The following ZNF407 variants were observed in gnomAD, a reference collection of about 807,000 sequenced individuals.
ZNF407 encodes the protein zinc finger protein 407.
In ZNF407, 17 loss-of-function variants were observed where a neutral mutation model predicts 131.2. That is an observed-to-expected ratio of 0.13 (90% confidence interval 0.09 to 0.19). The LOEUF is 0.19. ZNF407 is among the 10% of genes least tolerant of loss of function. The pLI, the probability that ZNF407 is intolerant of heterozygous loss-of-function variation, is 1.00. For missense variants in ZNF407, 2,681 were observed against 2,830.6 expected (o/e 0.95, Z 1.20); for synonymous variants, 1,156 against 1,062.0 (o/e 1.09, Z -1.72).
At chr18:74,778,525 T>C (rs1382040973) in intron 3 of ZNF407, among the ~76,000 whole-genome samples, 1 of 152,160 alleles carries the variant, frequency 6.6e-6, no homozygotes, top group Non-Finnish European at 1.5e-5. Flanking sequence ...TCTCACTAGG[T>C]TGTACATTTT....
At chr18:74,615,272 C>G (rs892387534) in intron 1 of ZNF407, among the ~76,000 whole-genome samples, 1 of 152,122 alleles carries the variant, frequency 6.6e-6, no homozygotes, top group Non-Finnish European at 1.5e-5. Context: ...TTTGGGAGGC[C>G]GAGGTGGGCA....
chr18:74,822,113 T>C (rs1970349067), intron 4 of ZNF407, among the ~76,000 whole-genome samples: 1 of 152,202 alleles, frequency 6.6e-6, no homozygotes, highest in African/African-American at 2.4e-5. Flanking sequence ...CACTTTTTGA[T>C]GGGGTTGTTT....
intron 8 of ZNF407, among the ~76,000 whole-genome samples, chr18:74,931,629 C>T (rs1423607231): frequency 1.3e-5 from 2 of 151,874 alleles, no homozygotes; most frequent in Non-Finnish European, 2.9e-5. Context: ...AACGAGATGC[C>T]TGGATTATAT....
chr18:74,732,403 G>C (rs1437693193), intron 3 of ZNF407, among the ~76,000 whole-genome samples: 3 of 152,150 alleles, frequency 2.0e-5, no homozygotes, highest in East Asian at 1.9e-4. Context: ...ATGAACATCT[G>C]TCTTGAGGGT....
chr18:74,822,598 G>T (rs1970356011), intron 4 of ZNF407, among the ~76,000 whole-genome samples: 1 of 151,998 alleles, frequency 6.6e-6, no homozygotes, highest in Non-Finnish European at 1.5e-5. Flanking sequence ...TATTTCTGAG[G>T]CCTCTGTTCT....
intron 3 of ZNF407, among the ~76,000 whole-genome samples, chr18:74,753,199 C>A (rs1285087329): frequency 6.6e-6 from 1 of 152,016 alleles, no homozygotes; most frequent in African/African-American, 2.4e-5. Context: ...GTTATTGGTG[C>A]GTAGGAATGC....
intron 4 of ZNF407, among the ~76,000 whole-genome samples, chr18:74,828,014 G>A (rs1334692742): frequency 3.3e-5 from 5 of 152,030 alleles, no homozygotes; most frequent in Admixed American, 1.3e-4. Flanking sequence ...TGGTGCTGCC[G>A]GTCTGCCTCG....
At chr18:74,605,183 G>A (rs1411382135) in intron 1 of ZNF407, among the ~76,000 whole-genome samples, 2 of 151,922 alleles carry the variant, frequency 1.3e-5, no homozygotes, top group East Asian at 1.9e-4. Context: ...GAGACATTCC[G>A]GCGGTGACTT....
At chr18:74,844,204 C>T (rs1431793363) in intron 4 of ZNF407, among the ~76,000 whole-genome samples, 1 of 152,134 alleles carries the variant, frequency 6.6e-6, no homozygotes, top group African/African-American at 2.4e-5. Flanking sequence ...CTTTTCCTTC[C>T]CCCATGGCTT....
intron 4 of ZNF407, among the ~76,000 whole-genome samples, chr18:74,793,270 TTAGC>T (rs1316793888): frequency 6.6e-6 from 1 of 152,260 alleles, no homozygotes; most frequent in African/African-American, 2.4e-5. Context: ...ATAATCATTG[TTAGC>T]TAGAAATACA....
intron 3 of ZNF407, among the ~76,000 whole-genome samples, chr18:74,718,611 C>T (rs1378052764): frequency 6.6e-6 from 1 of 152,042 alleles, no homozygotes; most frequent in East Asian, 1.9e-4. Context: ...ATCTCCTTGG[C>T]TCAGCCTCCC....
chr18:75,037,020 A>G (rs1178476725), intron 8 of ZNF407, among the ~76,000 whole-genome samples: 1 of 152,206 alleles, frequency 6.6e-6, no homozygotes, highest in Admixed American at 6.5e-5. Context: ...GGGTAAAATC[A>G]CAAGCTGACT....
chr18:74,756,571 CT>C (rs1445977419), intron 3 of ZNF407, among the ~76,000 whole-genome samples: 3 of 152,010 alleles, frequency 2.0e-5, no homozygotes. Context: ...TGTTTTTATA[CT>C]TTTTTTGATT....
At chr18:74,821,961 A>G (rs1395741851) in intron 4 of ZNF407, among the ~76,000 whole-genome samples, 4 of 152,180 alleles carry the variant, frequency 2.6e-5, no homozygotes, top group Admixed American at 6.5e-5. Flanking sequence ...ATGATTGCCC[A>G]TGATAACTGG....
intron 6 of ZNF407, among the ~76,000 whole-genome samples, chr18:74,886,148 G>A (rs1971305647): frequency 6.6e-6 from 1 of 152,120 alleles, no homozygotes; most frequent in African/African-American, 2.4e-5. Context: ...TTAAAAATGA[G>A]TCAAAAAGTT....
intron 8 of ZNF407, among the ~76,000 whole-genome samples, chr18:75,054,044 C>T (rs373105835): frequency 7.2e-5 from 11 of 152,360 alleles, no homozygotes; most frequent in Admixed American, 3.9e-4. Context: ...CGGGCCTTCC[C>T]GAGTTGCTAT....
rs1339787606 is a variant in ZNF407 at position 74,920,616 on chromosome 18, C to T, written c.5352C>T (p.Val1784=). ...NCPKCDYGTN[V]PVEFRNHLKE... ...CCAAGTGTGACTACGGGACCAACGT[C>T]CCGGTGGAGTTCCGGAACCATTTGA... The change falls in exon 8 of 9, where the codon GTC becomes GTT. Residue 1784 remains valine, a synonymous_variant. Coordinates refer to ENST00000299687, the MANE Select transcript of ZNF407 (RefSeq NM_017757.3). 7 of 1,611,390 alleles carry T rather than the reference C, an allele frequency of 4.3e-6. No individual in the cohort carries two copies. The South Asian group carries it at 6.6e-5, about 15-fold the overall frequency.
intron 4 of ZNF407, among the ~76,000 whole-genome samples, chr18:74,794,437 A>G (rs542531819): frequency 3.3e-5 from 5 of 151,012 alleles, no homozygotes; most frequent in African/African-American, 1.2e-4. Context: ...CAGAAATACT[A>G]CTTTACCAGC....
chr18:74,734,671 TTGTGTGTGTGTGTG>T (rs200073035), intron 3 of ZNF407, among the ~76,000 whole-genome samples: 9 of 138,970 alleles, frequency 6.5e-5, no homozygotes, highest in South Asian at 4.8e-4. Flanking sequence ...GAGTTTCAAT[TTGTGTGTGTGTGTG>T]TGTGTGTGTG....
Sources: allele counts gnomAD v4.1 joint callset (sites outside exome capture counted in the v4.1 genomes callset), GRCh38; gene constraint gnomAD v4.1.1; transcripts MANE v1.5; gene names NCBI Gene and HGNC (gene_info 2026-07-23, HGNC 2026-07-21).